NSMCE2: variants seen among roughly 807,000 people sequenced by gnomAD.
NSMCE2 encodes NSE2 SUMO ligase component of SMC5/6 complex, also known as E3 SUMO-protein ligase NSE2.
A neutral mutation model predicts 23.8 loss-of-function variants in NSMCE2; 24 were observed. The observed-to-expected ratio is 1.01, with a 90% CI of 0.73 to 1.42. The LOEUF is 1.42. NSMCE2 is among the 40% of genes most tolerant of loss of function. The pLI is 0.00. For synonymous variants in NSMCE2, 92 were observed against 94.1 expected, an observed-to-expected ratio of 0.98 and a Z score of 0.13; for missense variants, 284 against 296.5, an observed-to-expected ratio of 0.96 and a Z score of 0.31.
At chr8:125,180,723 G>C (rs548527589) in intron 4 of NSMCE2, among the ~76,000 whole-genome samples, 3 of 152,256 alleles carry the variant, frequency 2.0e-5, no homozygotes, top group South Asian at 2.1e-4. Flanking sequence ...TGTGAAACTG[G>C]GGGGAGGAGA....
At position 125,361,768 on chromosome 8, in the gene NSMCE2, G is replaced by C. The variant is rs76541842; in HGVS notation, c.626+3950G>C. Among the ~76,000 whole-genome samples the C allele has an allele frequency of 5.5e-3, 836 of 152,206 alleles. 24 individuals carry two copies. Among genetic ancestry groups the C allele is most frequent in the Non-Finnish European group, 8.1e-4 (55 of 68,018 alleles). Reference sequence around the variant, plus strand: ...GCTGATAGAGTTGTTATCACTCCCCGTGCTGCTTAGTGACACATTATTTGA... The same window carrying C: ...GCTGATAGAGTTGTTATCACTCCCCCTGCTGCTTAGTGACACATTATTTGA... On this transcript the variant is annotated intron_variant, in intron 7 of 7. Transcript: ENST00000287437.
At chr8:125,170,548 C>T (rs940540406) in intron 4 of NSMCE2, among the ~76,000 whole-genome samples, 2 of 151,780 alleles carry the variant, frequency 1.3e-5, no homozygotes, top group African/African-American at 4.8e-5. Flanking sequence ...CTGGGATTTA[C>T]AGGCATGTGC....
At chr8:125,306,283 T>C (rs1037018083) in intron 5 of NSMCE2, among the ~76,000 whole-genome samples, 7 of 151,976 alleles carry the variant, frequency 4.6e-5, no homozygotes, top group African/African-American at 7.2e-5. Flanking sequence ...TAAGCCATGA[T>C]TGCCCCACTG....
intron 5 of NSMCE2, among the ~76,000 whole-genome samples, chr8:125,309,866 C>T (rs1369926493): frequency 8.5e-5 from 13 of 152,210 alleles, no homozygotes. Context: ...TGAGCTAGAG[C>T]ATGATCTAAT....
intron 5 of NSMCE2, among the ~76,000 whole-genome samples, chr8:125,243,513 C>A (rs1825838230): frequency 6.6e-6 from 1 of 151,434 alleles, no homozygotes; most frequent in South Asian, 2.1e-4. Flanking sequence ...AAAAAAAAAA[C>A]CTCTAAATTT....
chr8:125,313,624 G>T (rs1829061877), intron 5 of NSMCE2, among the ~76,000 whole-genome samples: 1 of 152,154 alleles, frequency 6.6e-6, no homozygotes, highest in South Asian at 2.1e-4. Flanking sequence ...CAAAGGAAAA[G>T]TGTCCTCAAA....
At chr8:125,096,608 G>A (rs1586414785) in intron 1 of NSMCE2, among the ~76,000 whole-genome samples, 1 of 128,674 alleles carries the variant, frequency 7.8e-6, no homozygotes, top group South Asian at 2.6e-4. Context: ...ACTACCAAAT[G>A]TGTATTACTA....
chr8:125,120,054 T>C lies in NSMCE2; in HGVS notation c.157+17567T>C, dbSNP rs187307049. Among the ~76,000 whole-genome samples the C allele has an allele frequency of 3.5e-4, 54 of 152,324 alleles. No homozygotes were observed. In the East Asian group the frequency reaches 9.6e-3, roughly 27 times the overall value. On this transcript the variant is annotated intron_variant, in intron 3 of 7. Transcript: ENST00000287437. ...AATGTTTTATTTAAACAAATATGTC[T>C]AAAATATTTTAACATATAATCAATA...
At chr8:125,351,895 C>G (rs1309046923) in intron 5 of NSMCE2, among the ~76,000 whole-genome samples, 4 of 152,042 alleles carry the variant, frequency 2.6e-5, no homozygotes, top group Non-Finnish European at 5.9e-5. Context: ...TGCCTGTAAT[C>G]CCAGCTACTT....
At chr8:125,215,540 C>G (rs537477563) in intron 5 of NSMCE2, among the ~76,000 whole-genome samples, 1 of 152,158 alleles carries the variant, frequency 6.6e-6, no homozygotes, top group East Asian at 1.9e-4. Context: ...GATTTATAGT[C>G]CTTTGGGTAT....
rs567791006 is a variant in NSMCE2, at chr8:125,285,655, G to A, written c.419-71564G>A. Reference sequence around the variant, plus strand: ...GTATCAATAAATAACAGCAACATGTGAAGACAGTACAAGAATCTGTGAAAC... The same window carrying A: ...GTATCAATAAATAACAGCAACATGTAAAGACAGTACAAGAATCTGTGAAAC... On this transcript the variant is annotated intron_variant, in intron 5 of 7. Transcript: ENST00000287437. Among the ~76,000 whole-genome samples, 60 of 152,138 alleles carry A rather than the reference G, an allele frequency of 3.9e-4. 1 individual carries two copies. Among genetic ancestry groups the A allele is most frequent in the South Asian group, 3.5e-3 (17 of 4,812 alleles).
intron 1 of NSMCE2, among the ~76,000 whole-genome samples, chr8:125,099,097 A>G (rs1302435460): frequency 6.6e-6 from 1 of 152,188 alleles, no homozygotes; most frequent in African/African-American, 2.4e-5. Flanking sequence ...TGCTTGGAAT[A>G]CAGCAGTGAA....
chr8:125,220,689 G>A (rs758181559), intron 5 of NSMCE2, among the ~76,000 whole-genome samples: 1 of 150,724 alleles, frequency 6.6e-6, no homozygotes, highest in Admixed American at 6.6e-5. Context: ...ATCCTGTGTT[G>A]CTAAGTTTTC....
intron 5 of NSMCE2, among the ~76,000 whole-genome samples, chr8:125,345,756 T>C (rs1314777197): frequency 6.6e-6 from 1 of 152,150 alleles, no homozygotes; most frequent in African/African-American, 2.4e-5. Flanking sequence ...GGGTGAACTG[T>C]AGTCAGTCTG....
intron 4 of NSMCE2, among the ~76,000 whole-genome samples, chr8:125,178,585 G>A (rs552628255): frequency 1.3e-5 from 2 of 152,150 alleles, no homozygotes; most frequent in African/African-American, 4.8e-5. Flanking sequence ...GAAGTCATTA[G>A]GTTGGCTGGG....
chr8:125,309,742 A>G lies in NSMCE2; in HGVS notation c.419-47477A>G, dbSNP rs188012251. Among the ~76,000 whole-genome samples the G allele has an allele frequency of 8.5e-5, 13 of 152,248 alleles. No homozygotes were observed. In the East Asian group the frequency reaches 2.5e-3, roughly 29 times the overall value. ...CAGTCTCAAAAAAAAAAATGTATTA[A>G]TTGTTCAAATTTCCATGACTCCAGT... On this transcript the variant is annotated intron_variant, in intron 5 of 7. Coordinates refer to ENST00000287437, the MANE Select transcript of NSMCE2 (RefSeq NM_173685.4).
At chr8:125,170,485 C>T (rs900884260) in intron 4 of NSMCE2, among the ~76,000 whole-genome samples, 1 of 139,000 alleles carries the variant, frequency 7.2e-6, no homozygotes, top group African/African-American at 2.6e-5. Context: ...CGGCTCACTG[C>T]AAACTCCACC....
intron 5 of NSMCE2, among the ~76,000 whole-genome samples, chr8:125,266,505 T>C (rs1586692930): frequency 1.3e-5 from 2 of 152,214 alleles, no homozygotes; most frequent in East Asian, 3.8e-4. Flanking sequence ...GTGGGGGAAG[T>C]GCATCAGACT....
intron 5 of NSMCE2, among the ~76,000 whole-genome samples, chr8:125,219,559 T>C (rs1447564755): frequency 6.6e-6 from 1 of 152,232 alleles, no homozygotes; most frequent in Non-Finnish European, 1.5e-5. Context: ...ACACATTTCA[T>C]TCTTGTGAAT....
Sources: allele counts gnomAD v4.1 joint callset (sites outside exome capture counted in the v4.1 genomes callset), GRCh38; gene constraint gnomAD v4.1.1; transcripts MANE v1.5; gene names NCBI Gene and HGNC (gene_info 2026-07-23, HGNC 2026-07-21).